Variants in SCUBE3 observed in about 807,000 individuals in gnomAD.
SCUBE3 encodes signal peptide, CUB domain and EGF like domain containing 3, also known as signal peptide, CUB and EGF-like domain-containing protein 3.
Under a neutral mutation model 116.8 loss-of-function variants are expected in SCUBE3, and 33 were observed. The ratio of observed to expected loss-of-function variants is 0.28; its 90% confidence interval spans 0.21 to 0.38. SCUBE3 has a LOEUF of 0.38. Ranked by LOEUF, SCUBE3 falls within the 10% of genes least tolerant of loss-of-function variation. The pLI is 1.00. For missense variants in SCUBE3, 1,007 were observed against 1,324.8 expected (o/e 0.76, Z 3.72); for synonymous variants, 418 against 496.9 (o/e 0.84, Z 2.11).
rs1783920445 is a variant in SCUBE3 at position 35,239,301 on chromosome 6, C to T, written c.830-451C>T. ...TTTCAGTGAGTCCCTTTAGACCCTC[C>T]ACCTCTCCTTGCCCCGCACCCCCCC... On this transcript the variant is annotated intron_variant, in intron 7 of 21. Coordinates refer to ENST00000274938, the MANE Select transcript of SCUBE3 (RefSeq NM_152753.4). The surrounding 1 kb of genome is among the most constrained non-coding windows in gnomAD (Gnocchi z 4.1). Among the ~76,000 whole-genome samples, 1 of 152,122 alleles carries T rather than the reference C, an allele frequency of 6.6e-6. No homozygotes were observed. Among genetic ancestry groups the T allele is most frequent in the South Asian group, 2.1e-4 (1 of 4,828 alleles).
chr6:35,248,430 A>G, intron 21 of SCUBE3, 126 bp from the exon 22 acceptor site: 2 of 836,874 alleles, frequency 2.4e-6, no homozygotes, highest in Non-Finnish European at 2.0e-6. Flanking sequence ...GGGAATCCAG[A>G]GTTGCCCTCT....
Position 35,229,342 on chromosome 6 carries a change from C to T in SCUBE3, c.334+603C>T, listed in dbSNP as rs189165386. Among the ~76,000 whole-genome samples, 4 of 152,226 alleles carry T rather than the reference C, an allele frequency of 2.6e-5. No individual in the cohort carries two copies. The East Asian group carries it at 5.8e-4, about 22-fold the overall frequency. ...CTTCCTTGGCTTGAGCCTAGGAAGT[C>T]GAGGCTGCAGTTAGCTGTGATTGTG... On this transcript the variant is annotated intron_variant, in intron 3 of 21. Transcript: ENST00000274938.
intron 21 of SCUBE3, among the ~76,000 whole-genome samples, chr6:35,247,940 C>A (rs1784414808): frequency 6.6e-6 from 1 of 152,176 alleles, no homozygotes; most frequent in Non-Finnish European, 1.5e-5. Context: ...GAGGGAGGAG[C>A]ATTCCAAGCT....
Position 35,245,573 on chromosome 6 carries a change from G to A in SCUBE3, c.2599+148G>A. The A allele has an allele frequency of 1.5e-6, 1 of 680,264 alleles. No homozygotes were observed. Among genetic ancestry groups the A allele is most frequent in the African/African-American group, 1.8e-5 (1 of 55,502 alleles). 42.1% of individuals were successfully genotyped at this position (680,264 alleles called of 1,614,324 possible). A position where few individuals can be genotyped will look rare whatever the true frequency, so the allele number is the denominator to read the frequency against. On this transcript the variant is annotated intron_variant, in intron 19 of 21. Transcript: ENST00000274938. This position sits in a 1 kb window ranked among gnomAD's most constrained non-coding sequence, Gnocchi z 4.2. ...ATAGTGAGAGGCCTTTAGGAAGAGA[G>A]AAGCTAACAAAGGAAAACAGCAATG... is the stretch of plus-strand genomic sequence containing the variant.
chr6:35,235,456 G>T lies in SCUBE3; in HGVS notation c.712+2155G>T. On this transcript the variant is annotated intron_variant, in intron 6 of 21. Coordinates refer to ENST00000274938, the MANE Select transcript of SCUBE3 (RefSeq NM_152753.4). The surrounding 1 kb of genome is among the most constrained non-coding windows in gnomAD (Gnocchi z 4.5). The stretch of plus-strand genomic sequence containing the variant: ...TACAATGTCAAACAGGGGAAAGGCG[G>T]CTAGAGCAGCACATCCCCACTCAAG... 1 of 1,286,326 alleles carries T rather than the reference G, an allele frequency of 7.8e-7. No individual in the cohort carries two copies. Among genetic ancestry groups the T allele is most frequent in the Non-Finnish European group, 1.0e-6 (1 of 985,676 alleles). The allele number at this position is 1,286,326 out of a possible 1,614,324, so 79.7% of individuals were successfully genotyped here.
At chr6:35,223,676 A>G (rs1393538714) in intron 1 of SCUBE3, 9 of 152,204 alleles carry the variant, frequency 5.9e-5, no homozygotes, top group African/African-American at 2.2e-4. Context: ...AGTAGCATCA[A>G]CTGGTTTTCC....
chr6:35,215,910 G>A (rs1782871497), intron 1 of SCUBE3, among the ~76,000 whole-genome samples: 1 of 152,146 alleles, frequency 6.6e-6, no homozygotes, highest in Non-Finnish European at 1.5e-5. Flanking sequence ...CCCCAACCTG[G>A]GAGCAGCCCC....
Position 35,245,479 on chromosome 6 carries a change from C to T in SCUBE3, c.2599+54C>T, listed in dbSNP as rs1020084554. 26 of 1,454,232 alleles carry T rather than the reference C, an allele frequency of 1.8e-5. No homozygotes were observed. The African/African-American group carries it at 2.4e-4, about 13-fold the overall frequency. 90.1% of individuals were successfully genotyped at this position (1,454,232 alleles called of 1,614,324 possible). A position where few individuals can be genotyped will look rare whatever the true frequency, so the allele number is the denominator to read the frequency against. On this transcript the variant is annotated intron_variant, in intron 19 of 21. Coordinates refer to ENST00000274938, the MANE Select transcript of SCUBE3 (RefSeq NM_152753.4). The surrounding 1 kb of genome is among the most constrained non-coding windows in gnomAD (Gnocchi z 4.2). ...AAGGGCAGTCCAAATCTGGTTAAGG[C>T]GGAGAACAAAGAGAGAGACTGATAC...
rs778226528 is a variant in SCUBE3, at chr6:35,243,732, C to T, written c.2048C>T (p.Ala683Val). 6.2e-6 allele frequency: 10 copies of T among 1,613,918 alleles called. No individual in the cohort carries two copies. The highest frequency in any genetic ancestry group is 4.0e-5 in the African/African-American group (3 of 74,920). The change falls in exon 16 of 22, where the codon GCC (alanine) becomes GTC (valine). Residue 683 changes from alanine (A) to valine (V), a missense_variant. Physicochemically the swap from Ala to Val is moderately conservative, Grantham distance 64 (BLOSUM62 0). Transcript: ENST00000274938. The surrounding 1 kb of genome is among the most constrained non-coding windows in gnomAD (Gnocchi z 6.6). ...AGTGATGCCCACGGGCCTCTTGGAG[C>T]CACCAACGTCACCACGTGTGCAGGT... ...PGSDAHGPLG[A>V]TNVTTCAGQC...
Position 35,233,320 on chromosome 6 carries a change from G to A in SCUBE3, c.712+19G>A. The A allele has an allele frequency of 7.3e-7, 1 of 1,372,934 alleles. No individual in the cohort carries two copies. The highest frequency in any genetic ancestry group is 1.0e-6 in the Non-Finnish European group (1 of 962,448). The allele number at this position is 1,372,934 out of a possible 1,614,324, so 85.0% of individuals were successfully genotyped here. Reference sequence around the variant, plus strand: ...TGCATCGGTGGGTGAGGCCAGGGGAGAACTCAGTCCACCTGAGATGGGGTG... The same window carrying A: ...TGCATCGGTGGGTGAGGCCAGGGGAAAACTCAGTCCACCTGAGATGGGGTG... On this transcript the variant is annotated intron_variant, in intron 6 of 21. Coordinates refer to ENST00000274938, the MANE Select transcript of SCUBE3 (RefSeq NM_152753.4). This position sits in a 1 kb window ranked among gnomAD's most constrained non-coding sequence, Gnocchi z 5.7.
intron 7 of SCUBE3, among the ~76,000 whole-genome samples, chr6:35,238,998 C>G (rs1783904837): frequency 6.6e-6 from 1 of 152,118 alleles, no homozygotes; most frequent in African/African-American, 2.4e-5. Context: ...GGCTGCCCTC[C>G]CTGCCCCTTC....
chr6:35,246,047 C>T lies in SCUBE3; in HGVS notation c.2703C>T (p.Ser901=), dbSNP rs375945714. 8 of 1,614,008 alleles carry T rather than the reference C, an allele frequency of 5.0e-6. No homozygotes were observed. The highest frequency in any genetic ancestry group is 1.7e-5 in the Admixed American group (1 of 59,992). ...SRKLWINFKT[S]EANSARGFQI... The stretch of plus-strand genomic sequence containing the variant: ...AGCTCTGGATCAACTTCAAGACAAG[C>T]GAGGCCAACAGCGCCCGTGGCTTCC... Residue 901 remains serine (S), a synonymous_variant, in exon 20 of 22, where the codon AGC becomes AGT. Coordinates refer to ENST00000274938, the MANE Select transcript of SCUBE3 (RefSeq NM_152753.4).
rs764779695 is a variant in SCUBE3 at position 35,226,480 on chromosome 6, C to CTTTTTTTTTTTTTTTTTTTTTTTT, written c.86-1078_86-1077insTTTTTTTTTTTTTTTTTTTTTTTT. ...CAGAAGTTGGACTCTTTTCTATGTC[C>CTTTTTTTTTTTTTTTTTTTTTTTT]TTTTTTTTTTTTTTTTTTTTTTGAG... On this transcript the variant is annotated intron_variant, in intron 1 of 21. Coordinates refer to ENST00000274938, the MANE Select transcript of SCUBE3 (RefSeq NM_152753.4). Among the ~76,000 whole-genome samples the CTTTTTTTTTTTTTTTTTTTTTTTT allele has an allele frequency of 2.7e-4, 23 of 85,234 alleles. 2 individuals are homozygous for CTTTTTTTTTTTTTTTTTTTTTTTT. Among genetic ancestry groups the CTTTTTTTTTTTTTTTTTTTTTTTT allele is most frequent in the East Asian group, 2.5e-3 (5 of 2,016 alleles). 55.9% of individuals were successfully genotyped at this position (85,234 alleles called of 152,430 possible).
At position 35,228,263 on chromosome 6, in the gene SCUBE3, T is replaced by A. The variant is rs1783405402; in HGVS notation, c.209-351T>A. Reference sequence around the variant, plus strand: ...GAATCTTAAAAGGTATTTCCTTTGATCCAGGAATTTTACTCTTGGGGACTT... The same window carrying A: ...GAATCTTAAAAGGTATTTCCTTTGAACCAGGAATTTTACTCTTGGGGACTT... On this transcript the variant is annotated intron_variant, in intron 2 of 21. Coordinates refer to ENST00000274938, the MANE Select transcript of SCUBE3 (RefSeq NM_152753.4). This position sits in a 1 kb window ranked among gnomAD's most constrained non-coding sequence, Gnocchi z 4.9. Among the ~76,000 whole-genome samples, 1 of 152,238 alleles carries A rather than the reference T, an allele frequency of 6.6e-6. No homozygotes were observed. Among genetic ancestry groups the A allele is most frequent in the African/African-American group, 2.4e-5 (1 of 41,464 alleles).
Position 35,241,454 on chromosome 6 carries a change from A to G in SCUBE3, c.1196-89A>G, listed in dbSNP as rs1264550638. ...CATCATCAGTCTCCATGGGTACAAC[A>G]ATAGTTATGCAAGTAGCTGATTCCT... On this transcript the variant is annotated intron_variant, in intron 10 of 21. Coordinates refer to ENST00000274938, the MANE Select transcript of SCUBE3 (RefSeq NM_152753.4). The surrounding 1 kb of genome is among the most constrained non-coding windows in gnomAD (Gnocchi z 4.1). The G allele has an allele frequency of 1.7e-6, 2 of 1,145,600 alleles. No homozygotes were observed. The highest frequency in any genetic ancestry group is 2.6e-6 in the Non-Finnish European group (2 of 757,620). The allele number at this position is 1,145,600 out of a possible 1,614,324, so 71.0% of individuals were successfully genotyped here. A position where few individuals can be genotyped will look rare whatever the true frequency, so the allele number is the denominator to read the frequency against.
chr6:35,237,055 C>T (rs1005353499), intron 6 of SCUBE3, among the ~76,000 whole-genome samples: 1 of 152,168 alleles, frequency 6.6e-6, no homozygotes, highest in South Asian at 2.1e-4. Context: ...TAAGAGGGAG[C>T]AGCATAAGAG....
At position 35,235,478 on chromosome 6, in the gene SCUBE3, C is replaced by CA; in HGVS notation, c.712+2179dup. On this transcript the variant is annotated intron_variant, in intron 6 of 21. Transcript: ENST00000274938. This position sits in a 1 kb window ranked among gnomAD's most constrained non-coding sequence, Gnocchi z 4.5. ...GCGGCTAGAGCAGCACATCCCCACT[C>CA]AAGCCGTTTCTAATGGTAAATATGT... The CA allele has an allele frequency of 7.8e-7, 1 of 1,287,162 alleles. No homozygotes were observed. Among genetic ancestry groups the CA allele is most frequent in the Non-Finnish European group, 1.0e-6 (1 of 986,480 alleles). 79.7% of individuals were successfully genotyped at this position (1,287,162 alleles called of 1,614,324 possible). A position where few individuals can be genotyped will look rare whatever the true frequency, so the allele number is the denominator to read the frequency against.
At chr6:35,236,591 A>G (rs1258100312) in intron 6 of SCUBE3, among the ~76,000 whole-genome samples, 1 of 152,204 alleles carries the variant, frequency 6.6e-6, no homozygotes, top group Non-Finnish European at 1.5e-5. Context: ...TGTTCCACAC[A>G]TGGGCATTTG....
In SCUBE3 at chr6:35,237,917, A is replaced by G; in HGVS notation, c.728A>G (p.Asn243Ser). The change falls in exon 7 of 22, where the codon AAC (asparagine) becomes AGC (serine). Residue 243 changes from asparagine to serine, a missense_variant. Asn to Ser is a conservative substitution (Grantham distance 46, BLOSUM62 1). Around this residue, in one of 5 missense-constraint regions of SCUBE3, gnomAD observed 214 missense variants for 316.7 expected, o/e 0.68. Transcript: ENST00000274938. Reference protein sequence around the residue: ...GKTCIETCAVNNGGCDSKCHD... With the variant: ...GKTCIETCAVSNGGCDSKCHD... ...TCCTAAACAGAGACCTGTGCTGTCAACAACGGGGGCTGTGACAGTAAGTGC... is the reference window on the plus strand; with the variant it reads ...TCCTAAACAGAGACCTGTGCTGTCAGCAACGGGGGCTGTGACAGTAAGTGC... The G allele has an allele frequency of 6.2e-7, 1 of 1,610,634 alleles. No individual in the cohort carries two copies. The highest frequency in any genetic ancestry group is 1.1e-5 in the South Asian group (1 of 90,906).
Sources: gnomAD v4.1 joint callset for allele counts (sites outside exome capture counted in the v4.1 genomes callset) on GRCh38, gnomAD v4.1.1 for gene constraint, gnomAD v4.1.1 regional missense constraint, Gnocchi (gnomAD v3.1) non-coding constraint, MANE v1.5 for transcripts, NCBI Gene and HGNC (gene_info 2026-07-23, HGNC 2026-07-21) for gene names.